The following VTA1 variants were observed in gnomAD, a reference collection of about 807,000 sequenced individuals.
The protein encoded by VTA1 is vacuolar protein sorting-associated protein VTA1 homolog.
A neutral mutation model predicts 36.9 loss-of-function variants in VTA1; 24 were observed. The ratio of observed to expected loss-of-function variants is 0.65; its 90% CI spans 0.47 to 0.91. The LOEUF is 0.91. Among genes scored for constraint, VTA1 ranks in the 40% least tolerant of loss-of-function variants. VTA1 has a pLI of 0.00. For synonymous variants in VTA1, 142 were observed against 130.2 expected (o/e 1.09, Z -0.62); for missense variants, 393 against 377.2 (o/e 1.04, Z -0.35).
chr6:142,201,540 G>A (rs1775684795), intron 6 of VTA1, among the ~76,000 whole-genome samples: 1 of 151,794 alleles, frequency 6.6e-6, no homozygotes, highest in African/African-American at 2.4e-5. Flanking sequence ...TCTTTCTCAA[G>A]AAACATAAGC....
At chr6:142,158,194 A>G (rs1778699690) in intron 1 of VTA1, among the ~76,000 whole-genome samples, 1 of 152,146 alleles carries the variant, frequency 6.6e-6, no homozygotes, top group Non-Finnish European at 1.5e-5. Flanking sequence ...ATAATGTAAA[A>G]ATGAAGGGTG....
intron 7 of VTA1, among the ~76,000 whole-genome samples, chr6:142,214,549 C>T (rs1283371238): frequency 6.6e-6 from 1 of 152,182 alleles, no homozygotes; most frequent in African/African-American, 2.4e-5. Flanking sequence ...CCAGGCCTCT[C>T]CTCCTATTTG....
At chr6:142,212,577 A>C (rs1775925218) in intron 7 of VTA1, among the ~76,000 whole-genome samples, 1 of 151,926 alleles carries the variant, frequency 6.6e-6, no homozygotes, top group South Asian at 2.1e-4. Context: ...TTTGTATGAC[A>C]CTGTGTTTTA....
intron 4 of VTA1, among the ~76,000 whole-genome samples, chr6:142,183,678 A>G (rs1030071385): frequency 6.6e-6 from 1 of 152,190 alleles, no homozygotes; most frequent in Non-Finnish European, 1.5e-5. Context: ...ACATCTTGAA[A>G]ATTTCCTTTT....
intron 4 of VTA1, among the ~76,000 whole-genome samples, chr6:142,181,094 A>AAAATATATATAT (rs1471429927): frequency 1.4e-4 from 5 of 36,434 alleles, no homozygotes; most frequent in African/African-American, 2.3e-4. Context: ...AAAAAAAAAA[A>AAAATATATATAT]ATATATATAT....
intron 1 of VTA1, among the ~76,000 whole-genome samples, chr6:142,153,590 C>T (rs1778607967): frequency 6.6e-6 from 1 of 151,828 alleles, no homozygotes; most frequent in South Asian, 2.1e-4. Context: ...CTTAATATTC[C>T]TACATTTCGA....
intron 2 of VTA1, among the ~76,000 whole-genome samples, chr6:142,169,022 G>T (rs1014577622): frequency 1.9e-4 from 29 of 152,106 alleles, no homozygotes; most frequent in African/African-American, 6.5e-4. Context: ...ACCCGCCTCA[G>T]CCTCTCAAAG....
At chr6:142,170,497 G>A (rs1775008915) in intron 4 of VTA1, 76 bp downstream of exon 4, 7 of 995,842 alleles carry the variant, frequency 7.0e-6, no homozygotes, top group South Asian at 2.0e-5. Flanking sequence ...TTATTGCATT[G>A]TTTATTTACA....
chr6:142,184,549 T>TA (rs1775304332), intron 4 of VTA1, among the ~76,000 whole-genome samples: 1 of 142,988 alleles, frequency 7.0e-6, no homozygotes, highest in South Asian at 2.3e-4. Flanking sequence ...ATAAATAACT[T>TA]GACTTACTGG....
chr6:142,159,400 C>T (rs915869431), intron 1 of VTA1, among the ~76,000 whole-genome samples: 3 of 151,586 alleles, frequency 2.0e-5, no homozygotes, highest in African/African-American at 7.3e-5. Context: ...GTTTATATTG[C>T]AATGTTCCAG....
chr6:142,173,711 T>TC (rs1000249049), intron 4 of VTA1, among the ~76,000 whole-genome samples: 11 of 152,298 alleles, frequency 7.2e-5, no homozygotes, highest in African/African-American at 2.6e-4. Context: ...ATGTAACACT[T>TC]CCACATACAT....
intron 2 of VTA1, among the ~76,000 whole-genome samples, chr6:142,168,131 T>C (rs1243531731): frequency 2.0e-5 from 3 of 152,216 alleles, no homozygotes; most frequent in South Asian, 4.1e-4. Flanking sequence ...AAGTATATTA[T>C]GTTTTTGCTG....
chr6:142,191,565 A>G (rs1775456989), intron 5 of VTA1, among the ~76,000 whole-genome samples: 1 of 152,186 alleles, frequency 6.6e-6, no homozygotes, highest in African/African-American at 2.4e-5. Context: ...GGAAGTTGTC[A>G]TTTCTGTTAT....
Position 142,187,766 on chromosome 6 carries a change from A to AG in VTA1, c.412-1660_412-1659insG, listed in dbSNP as rs529194256. 4.9e-4 allele frequency among the ~76,000 whole-genome samples: 74 copies of AG among 151,364 alleles called. 1 individual carries two copies. The South Asian group carries it at 0.015, about 30-fold the overall frequency. On this transcript the variant is annotated intron_variant, in intron 4 of 7. Transcript: ENST00000367630. ...TACAAATTTAGTAATTTAGGGGTTA[A>AG]TTTTTTTTTAGTTTTCTGTACAGAA...
At chr6:142,166,031 A>T (rs1356868016) in intron 1 of VTA1, among the ~76,000 whole-genome samples, 197 bp from the exon 2 acceptor site, 2 of 151,934 alleles carry the variant, frequency 1.3e-5, no homozygotes, top group East Asian at 3.9e-4. Context: ...TATTTGATAA[A>T]AAAATTTATC....
intron 1 of VTA1, among the ~76,000 whole-genome samples, 191 bp downstream of exon 1, chr6:142,147,590 C>T (rs1212658432): frequency 6.6e-6 from 1 of 152,256 alleles, no homozygotes; most frequent in Non-Finnish European, 1.5e-5. Context: ...ATGGTGTCCA[C>T]TGCTTCTCCT....
intron 5 of VTA1, among the ~76,000 whole-genome samples, chr6:142,198,139 GTGTGTGTGTGTGTGTGTGTGTGTGTA>G (rs1409115767): frequency 3.2e-4 from 47 of 148,272 alleles, no homozygotes; most frequent in Non-Finnish European, 1.7e-4. Context: ...GTGTGTGTGT[GTGTGTGTGTGTGTGTGTGTGTGTGTA>G]TATGTGTGTA....
intron 4 of VTA1, among the ~76,000 whole-genome samples, chr6:142,189,075 T>G (rs1701959013): frequency 6.6e-6 from 1 of 152,228 alleles, no homozygotes; most frequent in Admixed American, 6.5e-5. Context: ...CTATTGTTAT[T>G]TTTATATTTA....
chr6:142,187,618 A>G (rs1775364178), intron 4 of VTA1, among the ~76,000 whole-genome samples: 1 of 152,226 alleles, frequency 6.6e-6, no homozygotes, highest in South Asian at 2.1e-4. Context: ...CTAAATGTGG[A>G]TACTTCTGTT....
Sources: gnomAD v4.1 joint callset for allele counts (sites outside exome capture counted in the v4.1 genomes callset) on GRCh38, gnomAD v4.1.1 for gene constraint, MANE v1.5 for transcripts, NCBI Gene and HGNC (gene_info 2026-07-23, HGNC 2026-07-21) for gene names.